Variants in THRB observed in about 807,000 individuals in gnomAD.
THRB encodes thyroid hormone receptor beta.
A neutral mutation model predicts 47.8 loss-of-function variants in THRB; 12 were observed. The ratio of observed to expected loss-of-function variants is 0.25; its 90% confidence interval spans 0.16 to 0.41. THRB has a LOEUF of 0.41. Ranked by LOEUF, THRB falls within the 10% of genes least tolerant of loss-of-function variation. THRB has a pLI of 1.00. For missense variants in THRB, 348 were observed against 589.2 expected, an observed-to-expected ratio of 0.59 and a Z score of 4.24; for synonymous variants, 218 against 212.2, an observed-to-expected ratio of 1.03 and a Z score of -0.24.
chr3:24,277,153 A>G (rs888240831), intron 3 of THRB, among the ~76,000 whole-genome samples: 1 of 152,202 alleles, frequency 6.6e-6, no homozygotes, highest in South Asian at 2.1e-4. Context: ...GTGGTTATCA[A>G]TTTTGCAATT....
chr3:24,465,667 G>C lies in THRB; in HGVS notation c.-261+28985C>G, dbSNP rs141148904. ...GATCTGCACACCTTGGCCTCCCAAA[G>C]TGCTGGTATTACATACTTGAGTCAG... On this transcript the variant is annotated intron_variant, in intron 1 of 10. Coordinates refer to ENST00000646209, the MANE Select transcript of THRB (RefSeq NM_001354712.2). Among the ~76,000 whole-genome samples the C allele has an allele frequency of 4.0e-3, 608 of 152,280 alleles. 3 individuals carry two copies. Among genetic ancestry groups the C allele is most frequent in the Middle Eastern group, 6.8e-3 (2 of 294 alleles).
At chr3:24,330,284 G>A (rs2061841933) in intron 2 of THRB, among the ~76,000 whole-genome samples, 1 of 152,042 alleles carries the variant, frequency 6.6e-6, no homozygotes, top group Non-Finnish European at 1.5e-5. Context: ...TCCGCAGTCC[G>A]GCCTGGGCGA....
intron 4 of THRB, among the ~76,000 whole-genome samples, chr3:24,226,047 C>A (rs1443051674): frequency 6.6e-6 from 1 of 151,990 alleles, no homozygotes; most frequent in Non-Finnish European, 1.5e-5. Flanking sequence ...ATAAGCATTG[C>A]GGTTGAAAGA....
chr3:24,300,926 G>C (rs537029765), intron 2 of THRB, among the ~76,000 whole-genome samples: 1 of 152,294 alleles, frequency 6.6e-6, no homozygotes, highest in East Asian at 1.9e-4. Context: ...TTTGGAAAGG[G>C]AGTCTTTGCA....
intron 1 of THRB, chr3:24,459,226 T>C (rs1467257873): frequency 1.3e-5 from 2 of 152,120 alleles, no homozygotes; most frequent in South Asian, 4.1e-4. Context: ...GTTCCTACGA[T>C]AGTTTGTGAT....
At chr3:24,232,866 T>C (rs1048295524) in intron 3 of THRB, among the ~76,000 whole-genome samples, 7 of 152,198 alleles carry the variant, frequency 4.6e-5, no homozygotes, top group African/African-American at 1.4e-4. Context: ...AACACTGGGA[T>C]AAACACTGCG....
intron 9 of THRB, among the ~76,000 whole-genome samples, chr3:24,130,483 C>T (rs2033681110): frequency 6.6e-6 from 1 of 152,070 alleles, no homozygotes; most frequent in Non-Finnish European, 1.5e-5. Flanking sequence ...CAAAGGGTAC[C>T]ATATGACTGG....
chr3:24,289,403 A>T (rs2055686413), intron 3 of THRB, among the ~76,000 whole-genome samples: 1 of 152,224 alleles, frequency 6.6e-6, no homozygotes, highest in Non-Finnish European at 1.5e-5. Context: ...TTAACCTACA[A>T]AAATGGCAAT....
At chr3:24,360,573 A>G (rs966597285) in intron 1 of THRB, among the ~76,000 whole-genome samples, 2 of 152,298 alleles carry the variant, frequency 1.3e-5, no homozygotes, top group Admixed American at 6.5e-5. Flanking sequence ...ACAACTTTTT[A>G]AAAATGCTAA....
chr3:24,252,180 C>T (rs190959666), intron 3 of THRB, among the ~76,000 whole-genome samples: 259 of 152,070 alleles, frequency 1.7e-3, no homozygotes, highest in African/African-American at 4.4e-3. Context: ...ATTAAATATA[C>T]GAAACACTTT....
intron 4 of THRB, among the ~76,000 whole-genome samples, chr3:24,202,261 C>T (rs926646956): frequency 6.6e-6 from 1 of 152,208 alleles, no homozygotes; most frequent in Non-Finnish European, 1.5e-5. Flanking sequence ...TTCTTCATCC[C>T]ATAATCTTTT....
At chr3:24,167,495 A>G (rs1051895883) in intron 5 of THRB, among the ~76,000 whole-genome samples, 9 of 152,188 alleles carry the variant, frequency 5.9e-5, no homozygotes, top group African/African-American at 2.2e-4. Flanking sequence ...ATTGGAAGCA[A>G]TAACTATTTT....
At chr3:24,220,797 C>CAAAAA (rs1368551143) in intron 4 of THRB, among the ~76,000 whole-genome samples, 17 of 96,666 alleles carry the variant, frequency 1.8e-4, no homozygotes, top group African/African-American at 6.8e-4. Flanking sequence ...CAAGGTTAAA[C>CAAAAA]AAAAGAAAAA....
At chr3:24,345,327 A>C (rs920613195) in intron 1 of THRB, among the ~76,000 whole-genome samples, 4 of 152,104 alleles carry the variant, frequency 2.6e-5, no homozygotes, top group African/African-American at 9.7e-5. Flanking sequence ...TCGCCAAACA[A>C]AGCATGGCAG....
chr3:24,454,599 C>A (rs1470571696), intron 1 of THRB, among the ~76,000 whole-genome samples: 10 of 152,150 alleles, frequency 6.6e-5, no homozygotes, highest in Non-Finnish European at 1.3e-4. Context: ...ATTTACAAGG[C>A]AGGTGTGGCT....
chr3:24,270,963 C>G (rs75577395), intron 3 of THRB, among the ~76,000 whole-genome samples: 4,359 of 152,296 alleles, frequency 0.029, 79 homozygotes, highest in Non-Finnish European at 0.046. Flanking sequence ...AAGGCTCCCC[C>G]CCTTTCCAAA....
intron 4 of THRB, among the ~76,000 whole-genome samples, chr3:24,199,390 A>G (rs1371815362): frequency 6.6e-6 from 1 of 152,176 alleles, no homozygotes; most frequent in East Asian, 1.9e-4. Context: ...CCTGCCTATT[A>G]ATTTTCTCTC....
rs148432356 is a variant in THRB at position 24,365,518 on chromosome 3, T to C, written c.-260-28147A>G. ...TTAGAAACTTGGGCCATAGATAAGA[T>C]ACTTTGTAAAGAGCAAATCCATTAC... On this transcript the variant is annotated intron_variant, in intron 1 of 10. Transcript: ENST00000646209. 8.1e-4 allele frequency among the ~76,000 whole-genome samples: 124 copies of C among 152,310 alleles called. 1 individual carries two copies. The highest frequency in any genetic ancestry group is 1.6e-3 in the Non-Finnish European group (108 of 68,030).
intron 5 of THRB, among the ~76,000 whole-genome samples, chr3:24,168,535 G>C (rs2039985539): frequency 7.1e-6 from 1 of 141,258 alleles, no homozygotes; most frequent in South Asian, 2.3e-4. Context: ...CTTATAGAAA[G>C]TCCGCTTTAA....
Sources: allele counts gnomAD v4.1 joint callset (sites outside exome capture counted in the v4.1 genomes callset), GRCh38; gene constraint gnomAD v4.1.1; transcripts MANE v1.5; gene names NCBI Gene and HGNC (gene_info 2026-07-23, HGNC 2026-07-21).